Variants in TRAPPC9 observed in about 807,000 individuals in gnomAD.
TRAPPC9 encodes IKK2 binding protein.
In TRAPPC9, 83 loss-of-function variants were observed where a neutral mutation model predicts 124.0. The ratio of observed to expected loss-of-function variants is 0.67; its 90% CI spans 0.56 to 0.80. TRAPPC9 has a LOEUF of 0.80. Among genes scored for constraint, TRAPPC9 ranks in the 30% least tolerant of loss-of-function variants. TRAPPC9 has a pLI of 0.00. For synonymous variants in TRAPPC9, 638 were observed against 617.5 expected (o/e 1.03, Z -0.49); for missense variants, 1,302 against 1,508.3 (o/e 0.86, Z 2.27).
intron 19 of TRAPPC9, among the ~76,000 whole-genome samples, chr8:139,954,946 A>T (rs1834880452): frequency 6.6e-6 from 1 of 152,236 alleles, no homozygotes; most frequent in Admixed American, 6.5e-5. Context: ...TCATCAAGTT[A>T]ATCTGGTAAT....
intron 7 of TRAPPC9, among the ~76,000 whole-genome samples, chr8:140,390,415 C>T (rs1230428098): frequency 2.6e-5 from 4 of 152,234 alleles, no homozygotes; most frequent in Non-Finnish European, 5.9e-5. Context: ...CATTCTCATC[C>T]TGGAGCATCA....
chr8:140,206,875 C>T lies in TRAPPC9; in HGVS notation c.2556+14584G>A, dbSNP rs568941657. 2.3e-4 allele frequency among the ~76,000 whole-genome samples: 35 copies of T among 152,222 alleles called. No homozygotes were observed. In the South Asian group the frequency reaches 6.4e-3, roughly 28 times the overall value. ...CCTTTTTGCCTGCCTCCTTCCCAAG[C>T]CGTCTGTGACCCTTTTAGTGGGAAC... On this transcript the variant is annotated intron_variant, in intron 17 of 22. Transcript: ENST00000438773.
intron 7 of TRAPPC9, among the ~76,000 whole-genome samples, chr8:140,396,744 A>G (rs4577934): frequency 0.37 from 55,469 of 151,888 alleles, 10,240 homozygotes; most frequent in South Asian, 0.45. Flanking sequence ...TTCAAGGCCC[A>G]GTTCCAATCT....
At chr8:139,981,147 T>C (rs747403091) in intron 19 of TRAPPC9, among the ~76,000 whole-genome samples, 15 of 152,292 alleles carry the variant, frequency 9.8e-5, no homozygotes, top group Non-Finnish European at 1.8e-4. Flanking sequence ...GAGGTCCCTA[T>C]TGATCCCAGA....
At chr8:140,446,575 T>C (rs985313425) in intron 2 of TRAPPC9, among the ~76,000 whole-genome samples, 1 of 152,118 alleles carries the variant, frequency 6.6e-6, no homozygotes, top group Non-Finnish European at 1.5e-5. Flanking sequence ...TATTTTGAGA[T>C]GGAGTTTCGC....
intron 19 of TRAPPC9, among the ~76,000 whole-genome samples, chr8:139,976,475 C>G (rs1455147909): frequency 6.6e-6 from 1 of 152,142 alleles, no homozygotes; most frequent in African/African-American, 2.4e-5. Context: ...AAAGACAAAT[C>G]GCAGACTGGG....
chr8:139,910,765 TG>T (rs1831672101), intron 19 of TRAPPC9, among the ~76,000 whole-genome samples: 1 of 120,674 alleles, frequency 8.3e-6, no homozygotes, highest in South Asian at 2.5e-4. Flanking sequence ...TCAGGCCAGG[TG>T]GGCGTGCCCC....
At chr8:139,871,369 G>C (rs1181013131) in intron 21 of TRAPPC9, among the ~76,000 whole-genome samples, 10 of 152,160 alleles carry the variant, frequency 6.6e-5, no homozygotes, top group African/African-American at 1.2e-4. Context: ...TCCTTAGCTT[G>C]TTTTCAGAAC....
chr8:140,163,953 TAATAA>T (rs2061791604), intron 17 of TRAPPC9, among the ~76,000 whole-genome samples: 1 of 152,228 alleles, frequency 6.6e-6, no homozygotes, highest in Admixed American at 6.5e-5. Context: ...ATATCTCACC[TAATAA>T]AAGAATTGCT....
Position 139,907,719 on chromosome 8 carries a change from T to C in TRAPPC9, c.2964+2428A>G, listed in dbSNP as rs1403650383. 6.6e-6 allele frequency among the ~76,000 whole-genome samples: 1 copy of C among 152,220 alleles called. No individual in the cohort carries two copies. Among genetic ancestry groups the C allele is most frequent in the Non-Finnish European group, 1.5e-5 (1 of 68,036 alleles). ...ACATGGTAGGCAATCAATAAATATG[T>C]GTTGCATGAATTATTAAGCAAATAT... is the stretch of plus-strand genomic sequence containing the variant. On this transcript the variant is annotated intron_variant, in intron 20 of 22. Coordinates refer to ENST00000438773, the MANE Select transcript of TRAPPC9 (RefSeq NM_001160372.4). The surrounding 1 kb of genome is among the most constrained non-coding windows in gnomAD (Gnocchi z 4.7).
At chr8:140,160,800 TAAATA>T (rs1185717589) in intron 17 of TRAPPC9, among the ~76,000 whole-genome samples, 1 of 148,896 alleles carries the variant, frequency 6.7e-6, no homozygotes, top group Non-Finnish European at 1.5e-5. Context: ...ATAATAAAAA[TAAATA>T]AAATAAAAAG....
intron 17 of TRAPPC9, among the ~76,000 whole-genome samples, chr8:140,031,390 A>G (rs1363873690): frequency 6.6e-6 from 1 of 152,192 alleles, no homozygotes; most frequent in African/African-American, 2.4e-5. Flanking sequence ...ACAACTTCTA[A>G]TATAACTAAC....
chr8:140,191,038 C>CT (rs1158417786), intron 17 of TRAPPC9, among the ~76,000 whole-genome samples: 3 of 152,100 alleles, frequency 2.0e-5, no homozygotes, highest in African/African-American at 7.2e-5. Flanking sequence ...TCGGAGAGGC[C>CT]AGATTAGGAG....
chr8:140,450,251 C>T (rs1265056503), intron 2 of TRAPPC9, among the ~76,000 whole-genome samples: 1 of 152,138 alleles, frequency 6.6e-6, no homozygotes, highest in African/African-American at 2.4e-5. Context: ...GTCCCAGCTA[C>T]TTGGGAGGCT....
In TRAPPC9 at chr8:140,300,484, G is replaced by T; in HGVS notation, c.1753C>A (p.Arg585=). The change falls in exon 11 of 23, where the codon CGG becomes AGG. Residue 585 remains arginine, a synonymous_variant. Transcript: ENST00000438773. ...GACGTCCTACCTATTTTCTTGTTCCGCTCTTCTCCACGGTTGTGTGCGATA... is the reference window on the plus strand; with the variant it reads ...GACGTCCTACCTATTTTCTTGTTCCTCTCTTCTCCACGGTTGTGTGCGATA... ...PIIAHNRGEE[R]NKKIDFQWVQ... is the part of the protein sequence containing the mutation. The T allele has an allele frequency of 2.5e-6, 4 of 1,614,174 alleles. No homozygotes were observed. The highest frequency in any genetic ancestry group is 3.4e-6 in the Non-Finnish European group (4 of 1,180,024).
intron 21 of TRAPPC9, among the ~76,000 whole-genome samples, chr8:139,736,123 A>C (rs971164273): frequency 6.6e-6 from 1 of 152,190 alleles, no homozygotes; most frequent in Admixed American, 6.5e-5. Context: ...TGAAGAGCAG[A>C]GAGGACCCAG....
At chr8:140,389,682 G>C (rs1313654108) in intron 7 of TRAPPC9, among the ~76,000 whole-genome samples, 2 of 152,120 alleles carry the variant, frequency 1.3e-5, no homozygotes, top group Non-Finnish European at 2.9e-5. Flanking sequence ...TTAATATTCA[G>C]CTCAGCTCTA....
At chr8:139,868,953 C>A (rs1368890443) in intron 21 of TRAPPC9, among the ~76,000 whole-genome samples, 1 of 152,024 alleles carries the variant, frequency 6.6e-6, no homozygotes, top group East Asian at 1.9e-4. Context: ...GTAGGTCAGA[C>A]AGAAGATGTA....
chr8:140,212,195 C>T (rs1026280308), intron 17 of TRAPPC9, among the ~76,000 whole-genome samples: 16 of 152,232 alleles, frequency 1.1e-4, no homozygotes, highest in Non-Finnish European at 1.0e-4. Flanking sequence ...CGCAGGCCAC[C>T]TCTCATGGTG....
Sources: allele counts gnomAD v4.1 joint callset (sites outside exome capture counted in the v4.1 genomes callset), GRCh38; gene constraint gnomAD v4.1.1; non-coding constraint Gnocchi (gnomAD v3.1); transcripts MANE v1.5; gene names NCBI Gene and HGNC (gene_info 2026-07-23, HGNC 2026-07-21).